The following FAM83B variants were observed in gnomAD, a reference collection of about 807,000 sequenced individuals.
FAM83B encodes the protein scaffolding CK1 anchoring protein B, also known as protein FAM83B.
FAM83B carries 26 observed loss-of-function variants against 38.8 expected under a neutral mutation model. That is an observed-to-expected ratio of 0.67 (90% confidence interval 0.49 to 0.93). FAM83B has a LOEUF of 0.93. Ranked by LOEUF, FAM83B falls within the 40% of genes least tolerant of loss-of-function variation. FAM83B has a pLI of 0.00. For synonymous variants in FAM83B, 419 were observed against 423.1 expected (o/e 0.99, Z 0.12); for missense variants, 1,237 against 1,197.3 (o/e 1.03, Z -0.49).
At chr6:54,851,039 G>A (rs547465898) in intron 1 of FAM83B, among the ~76,000 whole-genome samples, 35 of 133,526 alleles carry the variant, frequency 2.6e-4, no homozygotes, top group African/African-American at 8.9e-4. Context: ...AAAAAAAAAA[G>A]TGCTGTATTT....
intron 2 of FAM83B, among the ~76,000 whole-genome samples, chr6:54,887,464 T>G (rs1772305633): frequency 6.6e-6 from 1 of 152,166 alleles, no homozygotes; most frequent in Non-Finnish European, 1.5e-5. Context: ...TTAGGTGAAG[T>G]CTTCTGTTCC....
At chr6:54,888,003 T>C (rs1413385484) in intron 2 of FAM83B, among the ~76,000 whole-genome samples, 1 of 150,498 alleles carries the variant, frequency 6.6e-6, no homozygotes, top group African/African-American at 2.4e-5. Context: ...CATCTGTTCT[T>C]TATTCCTTTT....
intron 4 of FAM83B, among the ~76,000 whole-genome samples, chr6:54,932,393 G>T (rs1409823585): frequency 6.6e-6 from 1 of 152,044 alleles, no homozygotes; most frequent in East Asian, 1.9e-4. Context: ...CACCTTTATA[G>T]CTCTATTCCT....
chr6:54,914,713 C>A (rs899093954), intron 2 of FAM83B, among the ~76,000 whole-genome samples: 1 of 152,134 alleles, frequency 6.6e-6, no homozygotes, highest in African/African-American at 2.4e-5. Flanking sequence ...TTAAAAATTT[C>A]TCATAAACTG....
At chr6:54,921,466 T>C (rs1272354845) in intron 2 of FAM83B, among the ~76,000 whole-genome samples, 1 of 151,970 alleles carries the variant, frequency 6.6e-6, no homozygotes, top group Non-Finnish European at 1.5e-5. Context: ...CTAAAAGATG[T>C]GAAGTTTTAC....
At position 54,944,336 on chromosome 6, in the gene FAM83B, A is replaced by C. The variant is rs1773761123; in HGVS notation, c.*2329A>C. The C allele has an allele frequency of 6.6e-6, 1 of 152,234 alleles. No individual in the cohort carries two copies. The highest frequency in any genetic ancestry group is 1.5e-5 in the Non-Finnish European group (1 of 68,040). 9.4% of individuals were successfully genotyped at this position (152,234 alleles called of 1,614,324 possible). A position where few individuals can be genotyped will look rare whatever the true frequency, so the allele number is the denominator to read the frequency against. On this transcript the variant is annotated 3_prime_UTR_variant, in exon 5 of 5. Coordinates refer to ENST00000306858, the MANE Select transcript of FAM83B (RefSeq NM_001010872.3). ...TATCACTTTGATGTACATTGATATT[A>C]AAGTTTGGTAATGCAGCTTTTACTG...
intron 2 of FAM83B, among the ~76,000 whole-genome samples, chr6:54,913,459 G>C (rs1278239381): frequency 6.6e-6 from 1 of 152,000 alleles, no homozygotes; most frequent in Non-Finnish European, 1.5e-5. Flanking sequence ...AGGAAATAGA[G>C]GCTCAGAGAT....
chr6:54,858,110 G>A (rs536511213), intron 1 of FAM83B, among the ~76,000 whole-genome samples: 38 of 152,128 alleles, frequency 2.5e-4, no homozygotes, highest in Non-Finnish European at 4.7e-4. Flanking sequence ...GATTATTCTG[G>A]GAGAGTAAAG....
intron 4 of FAM83B, among the ~76,000 whole-genome samples, chr6:54,930,146 G>T (rs559081508): frequency 3.0e-4 from 46 of 152,196 alleles, no homozygotes; most frequent in African/African-American, 1.1e-3. Flanking sequence ...TAAATGAGAA[G>T]TCCAGGTCTA....
At chr6:54,892,413 C>T (rs1772426601) in intron 2 of FAM83B, among the ~76,000 whole-genome samples, 2 of 152,164 alleles carry the variant, frequency 1.3e-5, no homozygotes, top group Admixed American at 6.6e-5. Context: ...CTGATCCTCT[C>T]CCTCCTCCCA....
At chr6:54,892,940 G>T (rs149873307) in intron 2 of FAM83B, among the ~76,000 whole-genome samples, 281 of 152,002 alleles carry the variant, frequency 1.8e-3, no homozygotes, top group Middle Eastern at 6.8e-3. Context: ...GCTTTCTTCT[G>T]GATTATCCAC....
At chr6:54,927,351 G>T (rs1327729813) in intron 3 of FAM83B, among the ~76,000 whole-genome samples, 157 bp from the exon 4 acceptor site, 4 of 150,832 alleles carry the variant, frequency 2.7e-5, no homozygotes, top group African/African-American at 9.8e-5. Context: ...TATTTTAAAT[G>T]ATTATTTTCA....
At chr6:54,903,328 C>T (rs886702839) in intron 2 of FAM83B, among the ~76,000 whole-genome samples, 3 of 152,142 alleles carry the variant, frequency 2.0e-5, no homozygotes, top group Admixed American at 6.5e-5. Flanking sequence ...AGAGTTGGAC[C>T]GGCATGGCAA....
intron 2 of FAM83B, among the ~76,000 whole-genome samples, chr6:54,895,566 A>G (rs1772510028): frequency 6.6e-6 from 1 of 152,204 alleles, no homozygotes; most frequent in Admixed American, 6.5e-5. Context: ...TTTAATACAC[A>G]TTTACATATC....
chr6:54,861,935 T>A (rs1384664512), intron 1 of FAM83B, among the ~76,000 whole-genome samples: 1 of 152,140 alleles, frequency 6.6e-6, no homozygotes, highest in African/African-American at 2.4e-5. Flanking sequence ...TCAATCTATA[T>A]CTAATCTTTA....
intron 2 of FAM83B, among the ~76,000 whole-genome samples, chr6:54,876,587 C>T (rs937263649): frequency 2.6e-5 from 4 of 151,460 alleles, no homozygotes; most frequent in African/African-American, 7.3e-5. Flanking sequence ...TCAAATTGCT[C>T]GAATTACAGA....
rs1417857659 is a variant in FAM83B at position 54,942,592 on chromosome 6, A to G, written c.*585A>G. Among the ~76,000 whole-genome samples the G allele has an allele frequency of 6.6e-6, 1 of 151,636 alleles. No homozygotes were observed. The highest frequency in any genetic ancestry group is 1.5e-5 in the Non-Finnish European group (1 of 67,994). Reference sequence around the variant, plus strand: ...TTTTTTTTCTGCCTGAAGTGTTTGCAAAGTATCAGCCTCATGTAGTATAAT... The same window carrying G: ...TTTTTTTTCTGCCTGAAGTGTTTGCGAAGTATCAGCCTCATGTAGTATAAT... On this transcript the variant is annotated 3_prime_UTR_variant, in exon 5 of 5. Transcript: ENST00000306858.
At chr6:54,938,467 A>G (rs2127591117) in intron 4 of FAM83B, among the ~76,000 whole-genome samples, 1 of 152,296 alleles carries the variant, frequency 6.6e-6, no homozygotes. Context: ...TGGTTTTACT[A>G]GTATACATTT....
intron 2 of FAM83B, among the ~76,000 whole-genome samples, chr6:54,901,783 T>A (rs1431622627): frequency 6.6e-6 from 1 of 152,174 alleles, no homozygotes; most frequent in East Asian, 1.9e-4. Context: ...TTTAAGGTAA[T>A]TAAGCACTTT....
Sources: gnomAD v4.1 joint callset for allele counts (sites outside exome capture counted in the v4.1 genomes callset) on GRCh38, gnomAD v4.1.1 for gene constraint, MANE v1.5 for transcripts, NCBI Gene and HGNC (gene_info 2026-07-23, HGNC 2026-07-21) for gene names.